Variants in MICAL3 observed in about 807,000 individuals in gnomAD.
The protein encoded by MICAL3 is [F-actin]-monooxygenase MICAL3.
Under a neutral mutation model 207.4 loss-of-function variants are expected in MICAL3, and 62 were observed. The observed-to-expected ratio is 0.30, with a 90% CI of 0.24 to 0.37. MICAL3 has a LOEUF of 0.37. Ranked by LOEUF, MICAL3 falls within the 10% of genes least tolerant of loss-of-function variation. The pLI, the probability that MICAL3 is intolerant of heterozygous loss-of-function variation, is 1.00. For missense variants in MICAL3, 2,368 were observed against 2,635.6 expected, an observed-to-expected ratio of 0.90 and a Z score of 2.22; for synonymous variants, 1,077 against 1,069.3, an observed-to-expected ratio of 1.01 and a Z score of -0.14.
intron 1 of MICAL3, chr22:18,007,375 T>C (rs888216353): frequency 6.6e-6 from 1 of 152,208 alleles, no homozygotes; most frequent in Non-Finnish European, 1.5e-5. Flanking sequence ...TCTACTTTTC[T>C]ACTTAATAGG....
chr22:17,937,619 C>A (rs1043007827), intron 1 of MICAL3, among the ~76,000 whole-genome samples: 1 of 152,206 alleles, frequency 6.6e-6, no homozygotes, highest in Non-Finnish European at 1.5e-5. Flanking sequence ...GCCAAGATCA[C>A]GCCATTGTAC....
At chr22:17,878,375 A>AG (rs1195833435) in intron 16 of MICAL3, among the ~76,000 whole-genome samples, 1 of 152,158 alleles carries the variant, frequency 6.6e-6, no homozygotes, top group African/African-American at 2.4e-5. Flanking sequence ...GGCCATGGAA[A>AG]GGGGGTGGGA....
chr22:17,899,595 G>T, intron 6 of MICAL3, 47 bp from the exon 7 acceptor site: 1 of 1,217,364 alleles, frequency 8.2e-7, no homozygotes, highest in South Asian at 1.3e-5. Context: ...CTGAGATGAA[G>T]GTGCATCAGG....
rs567914032 is a variant in MICAL3, at chr22:17,906,673, C to T, written c.140G>A (p.Arg47His). 21 of 1,613,918 alleles carry T rather than the reference C, an allele frequency of 1.3e-5. No individual in the cohort carries two copies. The highest frequency in any genetic ancestry group is 6.7e-5 in the East Asian group (3 of 44,882). ...GGACTTGAGCTTGTGATAGAAGGAG[C>T]GGTAGTCCTTTGGCTTTAGTTCCAG... Reference protein sequence around the residue: ...DHLELKPKDYRSFYHKLKSKL... With the variant: ...DHLELKPKDYHSFYHKLKSKL... Residue 47 changes from arginine to histidine, a missense_variant, in exon 2 of 32, where the codon CGC becomes CAC. By Grantham distance (29) the Arg-to-His change is conservative (BLOSUM62 0). This residue lies in a region of MICAL3 where 400 missense variants were observed against 547.0 expected (regional missense o/e 0.73). Transcript: ENST00000441493.
chr22:17,797,162 G>T (rs2061885154), intron 29 of MICAL3, among the ~76,000 whole-genome samples: 1 of 152,202 alleles, frequency 6.6e-6, no homozygotes, highest in Non-Finnish European at 1.5e-5. Context: ...CCTGAGACTG[G>T]GGAGCAGAGG....
intron 1 of MICAL3, among the ~76,000 whole-genome samples, chr22:18,010,432 A>G (rs1923645521): frequency 6.6e-6 from 1 of 152,196 alleles, no homozygotes; most frequent in South Asian, 2.1e-4. Context: ...TTAAGGAGCT[A>G]ACAATAGTGC....
intron 15 of MICAL3, 72 bp from the exon 16 acceptor site, chr22:17,886,123 G>A: frequency 3.3e-6 from 5 of 1,531,440 alleles, no homozygotes; most frequent in Non-Finnish European, 4.5e-6. Flanking sequence ...CCTCACAGAA[G>A]TGCACTCAGG....
rs73151083 is a variant in MICAL3, at chr22:17,992,928, G to A, written c.-75+31353C>T. Among the ~76,000 whole-genome samples the A allele has an allele frequency of 3.7e-3, 561 of 152,280 alleles. 1 individual carries two copies. The highest frequency in any genetic ancestry group is 6.1e-3 in the Non-Finnish European group (418 of 68,030). Reference sequence around the variant, plus strand: ...CCTGAAGACTAGAAATGATGTGTGCGCAGTCTGGCCACGGTAAGGCGAAGC... The same window carrying A: ...CCTGAAGACTAGAAATGATGTGTGCACAGTCTGGCCACGGTAAGGCGAAGC... On this transcript the variant is annotated intron_variant, in intron 1 of 31. Transcript: ENST00000441493.
At chr22:17,864,840 C>T (rs1926905833) in intron 19 of MICAL3, 59 bp downstream of exon 19, 1 of 1,613,928 alleles carries the variant, frequency 6.2e-7, no homozygotes, top group Non-Finnish European at 8.5e-7. Context: ...TGCCCTTGGC[C>T]TTGTCACAGA....
chr22:18,001,904 A>G (rs1312682581), intron 1 of MICAL3, among the ~76,000 whole-genome samples: 5 of 152,230 alleles, frequency 3.3e-5, no homozygotes, highest in Non-Finnish European at 5.9e-5. Context: ...ATGTATTTAA[A>G]GGGGACTTGT....
intron 1 of MICAL3, among the ~76,000 whole-genome samples, chr22:18,003,645 T>C (rs1923186778): frequency 6.6e-6 from 1 of 152,220 alleles, no homozygotes; most frequent in Non-Finnish European, 1.5e-5. Flanking sequence ...CTGCTAGGCT[T>C]ACAATTTGGC....
chr22:17,911,239 C>T (rs1569129875), intron 1 of MICAL3, among the ~76,000 whole-genome samples: 1 of 152,094 alleles, frequency 6.6e-6, no homozygotes, highest in South Asian at 2.1e-4. Flanking sequence ...TTGTCACTGA[C>T]TTCTGGCTGG....
At chr22:17,880,189 C>T (rs977513026) in intron 16 of MICAL3, among the ~76,000 whole-genome samples, 4 of 152,210 alleles carry the variant, frequency 2.6e-5, no homozygotes, top group African/African-American at 9.6e-5. Context: ...CCCGGTCCCA[C>T]AAGCCAGATT....
intron 19 of MICAL3, 185 bp downstream of exon 19, chr22:17,864,714 G>T: frequency 6.2e-7 from 1 of 1,613,118 alleles, no homozygotes; most frequent in East Asian, 2.2e-5. Context: ...CCTCCGACAG[G>T]CCATAGAGAA....
At chr22:17,915,539 A>C (rs1932441679) in intron 1 of MICAL3, among the ~76,000 whole-genome samples, 1 of 152,216 alleles carries the variant, frequency 6.6e-6, no homozygotes, top group African/African-American at 2.4e-5. Flanking sequence ...CCTGCAGCTA[A>C]GGCTTTCCGA....
At chr22:18,022,303 AG>A (rs1924532778) in intron 1 of MICAL3, among the ~76,000 whole-genome samples, 2 of 152,194 alleles carry the variant, frequency 1.3e-5, no homozygotes, top group Admixed American at 1.3e-4. Flanking sequence ...TAGGCTTACG[AG>A]GGACTCGCCA....
intron 1 of MICAL3, among the ~76,000 whole-genome samples, chr22:17,972,062 C>G (rs1052716237): frequency 8.5e-5 from 13 of 152,214 alleles, no homozygotes; most frequent in Admixed American, 2.0e-4. Context: ...TTCATTGTTC[C>G]CAAGCCCAGT....
rs1933471218 is a variant in MICAL3 at position 17,935,462 on chromosome 22, A to G, written c.-74-28576T>C. ...ATTACAGACTTAAATGTTAGACCTA[A>G]AATCATAAAAATCCTAGAAGAAAAC... is the stretch of plus-strand genomic sequence containing the variant. On this transcript the variant is annotated intron_variant, in intron 1 of 31. Coordinates refer to ENST00000441493, the MANE Select transcript of MICAL3 (RefSeq NM_015241.3). 3.3e-5 allele frequency among the ~76,000 whole-genome samples: 5 copies of G among 152,372 alleles called. No individual in the cohort carries two copies. The South Asian group carries it at 8.3e-4, about 25-fold the overall frequency.
chr22:17,896,057 AG>A (rs1930799458), intron 9 of MICAL3, among the ~76,000 whole-genome samples, 188 bp downstream of exon 9: 1 of 152,254 alleles, frequency 6.6e-6, no homozygotes, highest in African/African-American at 2.4e-5. Flanking sequence ...GACTTAGTCT[AG>A]GAGACTCATC....
Sources: allele counts gnomAD v4.1 joint callset (sites outside exome capture counted in the v4.1 genomes callset), GRCh38; gene constraint gnomAD v4.1.1; regional missense constraint gnomAD v4.1.1; transcripts MANE v1.5; gene names NCBI Gene and HGNC (gene_info 2026-07-23, HGNC 2026-07-21).